The following EIF4G3 variants were observed in gnomAD, a reference collection of about 807,000 sequenced individuals.
EIF4G3 encodes the protein eIF-4-gamma 3.
A neutral mutation model predicts 186.4 loss-of-function variants in EIF4G3; 34 were observed. That is an observed-to-expected ratio of 0.18 (90% confidence interval 0.14 to 0.24). The LOEUF (loss-of-function observed/expected upper bound fraction) is 0.24, where lower values mean the gene tolerates loss of function less well. Among genes scored for constraint, EIF4G3 ranks in the 10% least tolerant of loss-of-function variants. The probability of loss-of-function intolerance (pLI) is 1.00; values close to 1 mark genes in which losing one functional copy is unlikely to be tolerated. For synonymous variants in EIF4G3, 673 were observed against 679.5 expected (o/e 0.99, Z 0.15); for missense variants, 1,536 against 1,948.5 (o/e 0.79, Z 3.99).
At chr1:20,848,527 T>A (rs2072016952) in intron 29 of EIF4G3, among the ~76,000 whole-genome samples, 1 of 152,148 alleles carries the variant, frequency 6.6e-6, no homozygotes. Flanking sequence ...ACTATAGGGT[T>A]CACAAGGTCA....
At chr1:21,070,230 T>C (rs1200559011) in intron 3 of EIF4G3, among the ~76,000 whole-genome samples, 1 of 151,896 alleles carries the variant, frequency 6.6e-6, no homozygotes, top group Non-Finnish European at 1.5e-5. Flanking sequence ...CAACTAAGAC[T>C]GTGGAAAAAA....
In EIF4G3 at chr1:20,969,529, C is replaced by T. The variant is rs370534983; in HGVS notation, c.659G>A (p.Ser220Asn). 2.0e-5 allele frequency: 33 copies of T among 1,613,768 alleles called. No individual in the cohort carries two copies. In the African/African-American group the frequency reaches 2.4e-4, roughly 12 times the overall value. ...TCCTATGGGTGGAGTAGGATTTCTG[C>T]TGCCACCTCCAGACATAATCTCCTC... ...ITEEIMSGGG[S>N]RNPTPPIGRP... Residue 220 changes from serine (S) to asparagine (N), a missense_variant, in exon 12 of 37, where the codon AGC becomes AAC. By Grantham distance (46) the Ser-to-Asn change is conservative (BLOSUM62 1). Around this residue, in one of 11 missense-constraint regions of EIF4G3, gnomAD observed 560 missense variants for 547.8 expected, o/e 1.02. Coordinates refer to ENST00000602326, the MANE Select transcript of EIF4G3 (RefSeq NM_001391906.1).
chr1:21,038,038 T>C (rs886371375), intron 4 of EIF4G3, among the ~76,000 whole-genome samples: 1 of 152,184 alleles, frequency 6.6e-6, no homozygotes, highest in African/African-American at 2.4e-5. Context: ...TTCTGAGCAG[T>C]GATACTATAT....
chr1:21,050,168 T>C (rs1353216619), intron 4 of EIF4G3, among the ~76,000 whole-genome samples: 1 of 152,216 alleles, frequency 6.6e-6, no homozygotes, highest in African/African-American at 2.4e-5. Context: ...GTCCACATTC[T>C]GTAAGGGACT....
chr1:20,831,080 T>C (rs1305127993), intron 30 of EIF4G3, among the ~76,000 whole-genome samples: 1 of 152,194 alleles, frequency 6.6e-6, no homozygotes, highest in Non-Finnish European at 1.5e-5. Context: ...TCACAGTCAT[T>C]GGACTGTCAG....
intron 3 of EIF4G3, among the ~76,000 whole-genome samples, chr1:21,056,248 C>G (rs564319910): frequency 2.6e-5 from 4 of 152,094 alleles, no homozygotes; most frequent in African/African-American, 9.6e-5. Flanking sequence ...TAAAAGCAGG[C>G]CAAAGAAAAT....
At chr1:20,972,288 C>G (rs931872122) in intron 11 of EIF4G3, among the ~76,000 whole-genome samples, 1 of 152,034 alleles carries the variant, frequency 6.6e-6, no homozygotes, top group Non-Finnish European at 1.5e-5. Context: ...AGTTCTTTTT[C>G]CTTGTGCTAT....
intron 19 of EIF4G3, among the ~76,000 whole-genome samples, 161 bp from the exon 20 acceptor site, chr1:20,879,681 CAAAT>C: frequency 6.6e-6 from 1 of 152,214 alleles, no homozygotes; most frequent in Non-Finnish European, 1.5e-5. Context: ...TCTATTTTAA[CAAAT>C]AGTCAAAAAT....
At chr1:20,974,620 C>A (rs1038285806) in intron 10 of EIF4G3, among the ~76,000 whole-genome samples, 1 of 151,760 alleles carries the variant, frequency 6.6e-6, no homozygotes, top group Non-Finnish European at 1.5e-5. Context: ...AAAATTTTGC[C>A]GTAAAAGAAA....
intron 14 of EIF4G3, among the ~76,000 whole-genome samples, chr1:20,906,989 G>A (rs2092298282): frequency 6.6e-6 from 1 of 152,080 alleles, no homozygotes; most frequent in Non-Finnish European, 1.5e-5. Flanking sequence ...AAGGGAGAGG[G>A]AAGACAGAGA....
In EIF4G3 at chr1:20,851,289, A is replaced by T. The variant is rs758861424; in HGVS notation, c.3741T>A (p.Thr1247=). The T allele has an allele frequency of 6.2e-7, 1 of 1,614,158 alleles. No individual in the cohort carries two copies. The highest frequency in any genetic ancestry group is 8.5e-7 in the Non-Finnish European group (1 of 1,180,038). The change falls in exon 28 of 37, where the codon ACT becomes ACA. Residue 1247 remains threonine (T), a synonymous_variant. Transcript: ENST00000602326. ...TGGVDVERNS[T]EAERNKTRES... is the part of the protein sequence containing the mutation. ...CCCTTGTTTTATTTCGCTCAGCCTC[A>T]GTGCTGTTCCTCTCCACATCCACAC... is the stretch of plus-strand genomic sequence containing the variant.
chr1:20,820,689 C>T (rs2062126024), intron 33 of EIF4G3, among the ~76,000 whole-genome samples: 1 of 152,092 alleles, frequency 6.6e-6, no homozygotes, highest in African/African-American at 2.4e-5. Flanking sequence ...GGTATAAAAG[C>T]CCTGGACTCA....
At chr1:21,038,937 T>C (rs985924029) in intron 4 of EIF4G3, among the ~76,000 whole-genome samples, 3 of 151,910 alleles carry the variant, frequency 2.0e-5, no homozygotes, top group Admixed American at 6.5e-5. Context: ...TTTGGGAAAA[T>C]AGAAAAGCCC....
intron 36 of EIF4G3, among the ~76,000 whole-genome samples, chr1:20,808,174 G>C (rs894211975): frequency 1.3e-5 from 2 of 151,534 alleles, no homozygotes; most frequent in African/African-American, 2.4e-5. Flanking sequence ...GTGAGCCACC[G>C]TGCCCGGCCC....
At chr1:20,900,780 TTGA>T (rs1222969123) in intron 15 of EIF4G3, among the ~76,000 whole-genome samples, 1 of 152,152 alleles carries the variant, frequency 6.6e-6, no homozygotes, top group East Asian at 1.9e-4. Flanking sequence ...GGTGTTCTAA[TTGA>T]TAAATTCACA....
chr1:20,892,773 T>G, intron 18 of EIF4G3: 1 of 1,321,850 alleles, frequency 7.6e-7, no homozygotes, highest in Non-Finnish European at 1.0e-6. Flanking sequence ...CTGAATGTCA[T>G]CAGAGATCTC....
intron 2 of EIF4G3, among the ~76,000 whole-genome samples, chr1:21,140,178 A>T (rs996658668): frequency 8.5e-5 from 13 of 152,248 alleles, no homozygotes; most frequent in Non-Finnish European, 1.3e-4. Context: ...TTTGTGGATA[A>T]CCAACACAAT....
intron 14 of EIF4G3, among the ~76,000 whole-genome samples, chr1:20,922,400 C>A (rs542131943): frequency 6.6e-6 from 1 of 152,178 alleles, no homozygotes. Context: ...CGGGTTCATG[C>A]GATTCTCCTG....
intron 36 of EIF4G3, among the ~76,000 whole-genome samples, chr1:20,809,965 A>C (rs867539908): frequency 2.0e-5 from 3 of 151,906 alleles, no homozygotes; most frequent in Non-Finnish European, 4.4e-5. Context: ...ATACAAACAT[A>C]TAACAAATTC....
Sources: gnomAD v4.1 joint callset for allele counts (sites outside exome capture counted in the v4.1 genomes callset) on GRCh38, gnomAD v4.1.1 for gene constraint, gnomAD v4.1.1 regional missense constraint, MANE v1.5 for transcripts, NCBI Gene and HGNC (gene_info 2026-07-23, HGNC 2026-07-21) for gene names.